The following DDR2 variants were observed in gnomAD, a reference collection of about 807,000 sequenced individuals.
DDR2 encodes discoidin domain receptor tyrosine kinase 2, also known as discoidin domain-containing receptor 2.
DDR2 carries 27 observed loss-of-function variants against 94.9 expected under a neutral mutation model. That is an observed-to-expected ratio of 0.28 (90% confidence interval 0.21 to 0.39). DDR2 has a LOEUF of 0.39. Ranked by LOEUF, DDR2 falls within the 10% of genes least tolerant of loss-of-function variation. The pLI is 1.00. For missense variants in DDR2, 783 were observed against 1,076.0 expected (o/e 0.73, Z 3.81); for synonymous variants, 382 against 377.2 (o/e 1.01, Z -0.15).
intron 2 of DDR2, among the ~76,000 whole-genome samples, chr1:162,689,842 T>TAAA (rs1158650637): frequency 0.36 from 3,997 of 11,122 alleles, 939 homozygotes; most frequent in East Asian, 0.59. Flanking sequence ...CATCTCTACT[T>TAAA]AAAAAAAAAA....
At chr1:162,680,102 T>A (rs1166300412) in intron 2 of DDR2, among the ~76,000 whole-genome samples, 1 of 152,212 alleles carries the variant, frequency 6.6e-6, no homozygotes, top group Non-Finnish European at 1.5e-5. Context: ...TATTTACTGT[T>A]AATAGTATCT....
intron 3 of DDR2, among the ~76,000 whole-genome samples, chr1:162,719,460 A>G (rs900586153): frequency 7.2e-5 from 11 of 152,182 alleles, no homozygotes; most frequent in Non-Finnish European, 1.6e-4. Context: ...AAAACAGGAC[A>G]GAATTTTTAG....
chr1:162,659,744 A>G (rs1436653851), intron 2 of DDR2, among the ~76,000 whole-genome samples: 1 of 152,196 alleles, frequency 6.6e-6, no homozygotes, highest in Non-Finnish European at 1.5e-5. Flanking sequence ...TGTCATAACT[A>G]TAAACCATTT....
chr1:162,692,798 T>C (rs947893752), intron 2 of DDR2, among the ~76,000 whole-genome samples: 1 of 152,238 alleles, frequency 6.6e-6, no homozygotes, highest in African/African-American at 2.4e-5. Context: ...CCATACTCTA[T>C]GACCCAGCAT....
intron 1 of DDR2, among the ~76,000 whole-genome samples, chr1:162,646,379 A>G (rs1657408478): frequency 6.6e-6 from 1 of 152,084 alleles, no homozygotes; most frequent in African/African-American, 2.4e-5. Flanking sequence ...AATTGTGAGG[A>G]CTTCTGAGTA....
chr1:162,676,299 A>G (rs1393569109), intron 2 of DDR2, among the ~76,000 whole-genome samples: 4 of 152,128 alleles, frequency 2.6e-5, no homozygotes, highest in African/African-American at 9.7e-5. Flanking sequence ...AGCCTGACTC[A>G]CACTAAGCTG....
At chr1:162,756,888 C>T (rs530513161) in intron 7 of DDR2, among the ~76,000 whole-genome samples, 9 of 152,270 alleles carry the variant, frequency 5.9e-5, no homozygotes, top group Non-Finnish European at 7.4e-5. Context: ...AGAGATCAAC[C>T]GAATTCAGTT....
intron 1 of DDR2, among the ~76,000 whole-genome samples, chr1:162,637,145 T>C (rs1235443817): frequency 6.6e-6 from 1 of 152,158 alleles, no homozygotes; most frequent in Non-Finnish European, 1.5e-5. Flanking sequence ...CTATGTTTTA[T>C]GATGAACAAA....
chr1:162,653,491 C>T lies in DDR2; in HGVS notation c.-191-1720C>T, dbSNP rs565120234. 4.0e-5 allele frequency among the ~76,000 whole-genome samples: 6 copies of T among 151,872 alleles called. No homozygotes were observed. The East Asian group carries it at 7.8e-4, about 20-fold the overall frequency. ...ACTTAGGAAGCTGAGGCATGAGAAT[C>T]GCTTGAACCCGAGAGGCGGAGGTTG... On this transcript the variant is annotated intron_variant, in intron 1 of 17. Coordinates refer to ENST00000367921, the MANE Select transcript of DDR2 (RefSeq NM_006182.4).
chr1:162,666,218 C>T (rs1658554972), intron 2 of DDR2, among the ~76,000 whole-genome samples: 1 of 152,218 alleles, frequency 6.6e-6, no homozygotes, highest in Admixed American at 6.5e-5. Flanking sequence ...TCTCCTCTCT[C>T]TCTCATTCTC....
intron 2 of DDR2, among the ~76,000 whole-genome samples, chr1:162,666,980 A>G (rs1658608509): frequency 6.6e-6 from 1 of 151,092 alleles, no homozygotes; most frequent in Non-Finnish European, 1.5e-5. Flanking sequence ...ATCTCCATGC[A>G]ACTTTGGATG....
At chr1:162,671,838 A>C (rs6669677) in intron 2 of DDR2, among the ~76,000 whole-genome samples, 7,566 of 152,166 alleles carry the variant, frequency 0.05, 657 homozygotes, top group African/African-American at 0.17. Context: ...TCGTTTTGTC[A>C]TTTAGGTCAA....
intron 1 of DDR2, among the ~76,000 whole-genome samples, chr1:162,650,007 G>A (rs539277753): frequency 6.6e-6 from 1 of 152,302 alleles, no homozygotes; most frequent in South Asian, 2.1e-4. Flanking sequence ...AGAAGGTAAA[G>A]GAAACACAGC....
intron 3 of DDR2, among the ~76,000 whole-genome samples, chr1:162,742,057 G>A (rs1424541151): frequency 6.6e-6 from 1 of 152,130 alleles, no homozygotes; most frequent in African/African-American, 2.4e-5. Context: ...CTCAGAAAGT[G>A]GAATTTGAGA....
intron 7 of DDR2, among the ~76,000 whole-genome samples, chr1:162,756,048 T>G (rs1313186854): frequency 1.3e-5 from 2 of 152,174 alleles, no homozygotes; most frequent in Non-Finnish European, 2.9e-5. Flanking sequence ...ATAGCCATAT[T>G]TTTGACCCTC....
Position 162,775,766 on chromosome 1 carries a change from G to A in DDR2, c.1971G>A (p.Met657Ile). The change falls in exon 15 of 18, where the codon ATG becomes ATA. Residue 657 changes from methionine to isoleucine, a missense_variant. Around this residue, in one of 2 missense-constraint regions of DDR2, gnomAD observed 264 missense variants for 428.2 expected, o/e 0.62. Coordinates refer to ENST00000367921, the MANE Select transcript of DDR2 (RefSeq NM_006182.4). ...CTCTCTGTATGATCACTGAATACAT[G>A]GAGAATGGAGATCTCAATCAGTTTC... ...DDPLCMITEY[M>I]ENGDLNQFLS... 6.2e-7 allele frequency: 1 copy of A among 1,614,110 alleles called. No individual in the cohort carries two copies. The highest frequency in any genetic ancestry group is 8.5e-7 in the Non-Finnish European group (1 of 1,180,016).
chr1:162,764,411 A>AG (rs11378066), intron 9 of DDR2, among the ~76,000 whole-genome samples: 1 of 149,844 alleles, frequency 6.7e-6, no homozygotes, highest in South Asian at 2.1e-4. Context: ...AAAAAAAAAA[A>AG]GAAATGTCCA....
chr1:162,755,376 T>A (rs890989189), intron 6 of DDR2, 73 bp downstream of exon 6: 9 of 1,574,356 alleles, frequency 5.7e-6, no homozygotes, highest in Non-Finnish European at 7.8e-6. Flanking sequence ...GGCAATCAAA[T>A]CAGAAAGGGA....
At chr1:162,752,504 A>G (rs1379907844) in intron 3 of DDR2, among the ~76,000 whole-genome samples, 2 of 152,162 alleles carry the variant, frequency 1.3e-5, no homozygotes, top group African/African-American at 4.8e-5. Context: ...TGGAGAGCAA[A>G]TCTGGTCTCT....
Sources: allele counts gnomAD v4.1 joint callset (sites outside exome capture counted in the v4.1 genomes callset), GRCh38; gene constraint gnomAD v4.1.1; regional missense constraint gnomAD v4.1.1; transcripts MANE v1.5; gene names NCBI Gene and HGNC (gene_info 2026-07-23, HGNC 2026-07-21).